Variants in ST6GALNAC3 observed in about 807,000 individuals in gnomAD.
ST6GALNAC3 encodes alpha-N-acetylgalactosaminide alpha-2,6-sialyltransferase 3.
Under a neutral mutation model 32.7 loss-of-function variants are expected in ST6GALNAC3, and 25 were observed. The observed-to-expected ratio is 0.76, with a 90% CI of 0.56 to 1.07. ST6GALNAC3 has a LOEUF of 1.07. Ranked by LOEUF, ST6GALNAC3 falls within the 50% of genes least tolerant of loss-of-function variation. ST6GALNAC3 has a pLI of 0.00. For synonymous variants in ST6GALNAC3, 129 were observed against 133.1 expected (o/e 0.97, Z 0.21); for missense variants, 355 against 382.4 (o/e 0.93, Z 0.60).
chr1:76,117,418 C>CTT (rs1302514901), intron 1 of ST6GALNAC3, among the ~76,000 whole-genome samples: 19 of 152,324 alleles, frequency 1.2e-4, no homozygotes. Flanking sequence ...TGAACTTTCA[C>CTT]TTGTAGCAGT....
At chr1:76,271,452 C>A (rs1557742096) in intron 1 of ST6GALNAC3, among the ~76,000 whole-genome samples, 1 of 152,176 alleles carries the variant, frequency 6.6e-6, no homozygotes, top group Non-Finnish European at 1.5e-5. Flanking sequence ...CTATAGTAAC[C>A]ACTAAGCAAA....
intron 3 of ST6GALNAC3, among the ~76,000 whole-genome samples, chr1:76,416,622 G>GT (rs1431727778): frequency 3.4e-3 from 344 of 99,720 alleles, no homozygotes; most frequent in Non-Finnish European, 4.5e-3. Flanking sequence ...AGTATTGTGG[G>GT]TTTTGTTTTT....
intron 1 of ST6GALNAC3, among the ~76,000 whole-genome samples, chr1:76,300,081 G>A: frequency 6.6e-6 from 1 of 151,928 alleles, no homozygotes; most frequent in East Asian, 1.9e-4. Context: ...CTGCACAACT[G>A]GACAGAAAAA....
intron 3 of ST6GALNAC3, among the ~76,000 whole-genome samples, chr1:76,446,289 A>G (rs191999063): frequency 6.6e-6 from 1 of 152,196 alleles, no homozygotes; most frequent in East Asian, 1.9e-4. Flanking sequence ...AACATCCATT[A>G]CTAGAGTGGT....
intron 3 of ST6GALNAC3, among the ~76,000 whole-genome samples, chr1:76,523,809 A>G (rs1332077899): frequency 6.6e-6 from 1 of 152,106 alleles, no homozygotes; most frequent in Non-Finnish European, 1.5e-5. Flanking sequence ...TTGTGTCTTG[A>G]GCCTCTTCAA....
At chr1:76,194,179 T>A (rs1301789591) in intron 1 of ST6GALNAC3, among the ~76,000 whole-genome samples, 3 of 152,184 alleles carry the variant, frequency 2.0e-5, no homozygotes, top group Admixed American at 6.6e-5. Context: ...GTTGTAGGTC[T>A]TATTTACTCA....
At chr1:76,263,926 A>G (rs375015915) in intron 1 of ST6GALNAC3, among the ~76,000 whole-genome samples, 1 of 152,178 alleles carries the variant, frequency 6.6e-6, no homozygotes, top group African/African-American at 2.4e-5. Context: ...TAGAACAACA[A>G]CTAAAAGGCA....
At chr1:76,121,388 C>T (rs1648860467) in intron 1 of ST6GALNAC3, among the ~76,000 whole-genome samples, 1 of 152,156 alleles carries the variant, frequency 6.6e-6, no homozygotes. Flanking sequence ...AGCCTTGCCT[C>T]CCCACTGTCT....
intron 3 of ST6GALNAC3, among the ~76,000 whole-genome samples, chr1:76,480,552 G>A (rs1022408690): frequency 1.3e-5 from 2 of 152,058 alleles, no homozygotes; most frequent in Admixed American, 1.3e-4. Flanking sequence ...GTCTCCTGTA[G>A]GGGTACATAG....
intron 2 of ST6GALNAC3, among the ~76,000 whole-genome samples, chr1:76,382,257 A>G (rs539047843): frequency 3.9e-4 from 59 of 152,308 alleles, no homozygotes; most frequent in Middle Eastern, 6.8e-3. Flanking sequence ...AAATATAACC[A>G]AATAAATGAA....
rs918875978 is a variant in ST6GALNAC3, at chr1:76,631,101, A to T, written c.*2295A>T. 1.2e-6 allele frequency: 1 copy of T among 865,680 alleles called. No individual in the cohort carries two copies. Among genetic ancestry groups the T allele is most frequent in the African/African-American group, 1.8e-5 (1 of 54,692 alleles). The allele number at this position is 865,680 out of a possible 1,614,324, so 53.6% of individuals were successfully genotyped here. On this transcript the variant is annotated 3_prime_UTR_variant, in exon 5 of 5. Coordinates refer to ENST00000328299, the MANE Select transcript of ST6GALNAC3 (RefSeq NM_152996.4). ...TTTCTCTGATGAAGACTTCTGCAGT[A>T]TATTGTATCCCTCACTCTATAGCAG...
chr1:76,150,865 C>T (rs944981077), intron 1 of ST6GALNAC3, among the ~76,000 whole-genome samples: 1 of 152,200 alleles, frequency 6.6e-6, no homozygotes, highest in African/African-American at 2.4e-5. Flanking sequence ...ATCTTGGCTG[C>T]AGGCAAGCCT....
intron 3 of ST6GALNAC3, among the ~76,000 whole-genome samples, chr1:76,602,022 T>C (rs1339972233): frequency 1.3e-5 from 2 of 152,100 alleles, no homozygotes; most frequent in Non-Finnish European, 2.9e-5. Flanking sequence ...AGGAAGACAT[T>C]TAGAGACTCT....
intron 3 of ST6GALNAC3, among the ~76,000 whole-genome samples, chr1:76,442,730 C>A (rs931615145): frequency 2.6e-5 from 4 of 152,192 alleles, no homozygotes; most frequent in Non-Finnish European, 4.4e-5. Context: ...GCTTAGTGGG[C>A]ACCTTGGCAT....
At chr1:76,205,803 C>T (rs979318426) in intron 1 of ST6GALNAC3, among the ~76,000 whole-genome samples, 3 of 151,160 alleles carry the variant, frequency 2.0e-5, no homozygotes, top group African/African-American at 7.3e-5. Flanking sequence ...AGTACTAAAT[C>T]TATGTGTGGT....
intron 1 of ST6GALNAC3, among the ~76,000 whole-genome samples, chr1:76,208,007 C>T (rs1476408723): frequency 3.3e-5 from 5 of 151,584 alleles, no homozygotes; most frequent in Admixed American, 6.6e-5. Flanking sequence ...GGGGGGCCTG[C>T]ATTAGCCATC....
chr1:76,377,964 G>C (rs1209106372), intron 2 of ST6GALNAC3, among the ~76,000 whole-genome samples: 1 of 152,144 alleles, frequency 6.6e-6, no homozygotes, highest in Non-Finnish European at 1.5e-5. Context: ...CCCCAGACAT[G>C]TTTATAGACC....
chr1:76,431,659 G>A (rs1401575510), intron 3 of ST6GALNAC3, among the ~76,000 whole-genome samples: 1 of 152,170 alleles, frequency 6.6e-6, no homozygotes, highest in African/African-American at 2.4e-5. Flanking sequence ...CATGGGAATA[G>A]AACAAGAAGC....
intron 1 of ST6GALNAC3, among the ~76,000 whole-genome samples, chr1:76,230,342 A>G (rs1209983349): frequency 6.6e-6 from 1 of 152,166 alleles, no homozygotes. Flanking sequence ...CTCTGTTATT[A>G]CTATATTTGA....
Sources: allele counts gnomAD v4.1 joint callset (sites outside exome capture counted in the v4.1 genomes callset), GRCh38; gene constraint gnomAD v4.1.1; transcripts MANE v1.5; gene names NCBI Gene and HGNC (gene_info 2026-07-23, HGNC 2026-07-21).